Variants in CSNK1A1 observed in about 807,000 individuals in gnomAD.
CSNK1A1 encodes the protein casein kinase I isoform alpha.
In CSNK1A1, 7 loss-of-function variants were observed where a neutral mutation model predicts 46.1. That is an observed-to-expected ratio of 0.15 (90% CI 0.09 to 0.29). The LOEUF is 0.29. Among genes scored for constraint, CSNK1A1 ranks in the 10% least tolerant of loss-of-function variants. CSNK1A1 has a pLI of 1.00. For synonymous variants in CSNK1A1, 137 were observed against 141.5 expected (o/e 0.97, Z 0.23); for missense variants, 96 against 417.1 (o/e 0.23, Z 6.71).
intron 7 of CSNK1A1, among the ~76,000 whole-genome samples, chr5:149,509,669 G>C (rs1761153508): frequency 6.6e-6 from 1 of 152,068 alleles, no homozygotes; most frequent in South Asian, 2.1e-4. Flanking sequence ...CTTCTAAAGT[G>C]CTGGGATTGC....
intron 9 of CSNK1A1, 114 bp downstream of exon 9, chr5:149,505,333 C>T: frequency 6.9e-7 from 1 of 1,439,706 alleles, no homozygotes; most frequent in Non-Finnish European, 9.1e-7. Flanking sequence ...AACGCAGAGC[C>T]AAATTTTTAT....
intron 2 of CSNK1A1, among the ~76,000 whole-genome samples, chr5:149,530,965 C>CAAAA (rs59281087): frequency 1.1e-4 from 9 of 81,738 alleles, no homozygotes; most frequent in African/African-American, 4.5e-4. Flanking sequence ...GACTCTGTCT[C>CAAAA]AAAAAAAAAA....
intron 9 of CSNK1A1, chr5:149,498,272 G>A (rs2113038187): frequency 3.0e-6 from 3 of 985,090 alleles, no homozygotes; most frequent in South Asian, 9.4e-5. Context: ...GAGAGTAGGT[G>A]CATAATAGAT....
At chr5:149,505,147 G>C in intron 9 of CSNK1A1, 2 of 1,046,368 alleles carry the variant, frequency 1.9e-6, no homozygotes, top group Non-Finnish European at 2.3e-6. Flanking sequence ...TTGGAAAGGG[G>C]GTTAATGAAT....
At chr5:149,548,647 G>A (rs1227815155) in intron 2 of CSNK1A1, among the ~76,000 whole-genome samples, 1 of 152,178 alleles carries the variant, frequency 6.6e-6, no homozygotes, top group Non-Finnish European at 1.5e-5. Flanking sequence ...GATCACCTGA[G>A]GTCAGGAGTT....
At chr5:149,507,187 A>C in intron 7 of CSNK1A1, 54 bp from the exon 8 acceptor site, 1 of 1,355,122 alleles carries the variant, frequency 7.4e-7, no homozygotes, top group Non-Finnish European at 1.0e-6. Context: ...AAGATAGAAA[A>C]ATAAATGCAT....
chr5:149,522,049 TTTAAA>T (rs1761587606), intron 3 of CSNK1A1, among the ~76,000 whole-genome samples: 1 of 152,162 alleles, frequency 6.6e-6, no homozygotes, highest in Non-Finnish European at 1.5e-5. Flanking sequence ...TGTAAACAAA[TTTAAA>T]TTATTTTTTA....
At chr5:149,534,415 C>T (rs1301450393) in intron 2 of CSNK1A1, among the ~76,000 whole-genome samples, 6 of 132,752 alleles carry the variant, frequency 4.5e-5, no homozygotes, top group African/African-American at 1.4e-4. Flanking sequence ...ACCCGGGAGG[C>T]GGGGGTTGCA....
At chr5:149,531,625 A>C (rs777657198) in intron 2 of CSNK1A1, among the ~76,000 whole-genome samples, 3 of 151,628 alleles carry the variant, frequency 2.0e-5, no homozygotes, top group Non-Finnish European at 4.4e-5. Context: ...AGGTGGGTGG[A>C]TCGCTGGAGG....
At chr5:149,515,691 T>G (rs1456852085) in intron 4 of CSNK1A1, among the ~76,000 whole-genome samples, 1 of 152,178 alleles carries the variant, frequency 6.6e-6, no homozygotes, top group African/African-American at 2.4e-5. Flanking sequence ...ATCAAGCTTC[T>G]TTAGTAGCTC....
intron 2 of CSNK1A1, among the ~76,000 whole-genome samples, chr5:149,544,463 G>T (rs1283187500): frequency 6.6e-6 from 1 of 151,110 alleles, no homozygotes; most frequent in Non-Finnish European, 1.5e-5. Flanking sequence ...AGGAATGCAA[G>T]ACCAGTCTGG....
intron 2 of CSNK1A1, among the ~76,000 whole-genome samples, chr5:149,539,885 C>G (rs1318664091): frequency 1.3e-5 from 2 of 152,076 alleles, no homozygotes; most frequent in East Asian, 3.8e-4. Context: ...CACCAACTTA[C>G]AAGATTGGTG....
chr5:149,497,076 G>C, intron 9 of CSNK1A1: 1 of 1,352,924 alleles, frequency 7.4e-7, no homozygotes, highest in East Asian at 2.8e-5. Flanking sequence ...CTCTAGGAAG[G>C]AGTGGTACAG....
At chr5:149,512,055 AAC>A (rs1464470598) in intron 5 of CSNK1A1, among the ~76,000 whole-genome samples, 183 bp from the exon 6 acceptor site, 1 of 152,146 alleles carries the variant, frequency 6.6e-6, no homozygotes, top group Non-Finnish European at 1.5e-5. Context: ...CTCTAAACAA[AAC>A]TTTTTCCATG....
At chr5:149,538,985 C>G (rs1228166181) in intron 2 of CSNK1A1, among the ~76,000 whole-genome samples, 1 of 151,648 alleles carries the variant, frequency 6.6e-6, no homozygotes, top group East Asian at 1.9e-4. Flanking sequence ...AGTAGAATTT[C>G]ATTATTGTAC....
intron 4 of CSNK1A1, among the ~76,000 whole-genome samples, chr5:149,515,772 T>C (rs1761381835): frequency 6.6e-6 from 1 of 152,138 alleles, no homozygotes; most frequent in Non-Finnish European, 1.5e-5. Flanking sequence ...TGAAACCACA[T>C]GATGCCAAAG....
intron 5 of CSNK1A1, 24 bp from the exon 6 acceptor site, chr5:149,511,896 T>G: frequency 6.5e-7 from 1 of 1,539,614 alleles, no homozygotes; most frequent in Non-Finnish European, 8.9e-7. Context: ...CGTAATTTTA[T>G]AAACTGGAAC....
At chr5:149,498,718 T>C (rs1760732493) in intron 9 of CSNK1A1, 2 of 985,262 alleles carry the variant, frequency 2.0e-6, no homozygotes, top group Non-Finnish European at 2.4e-6. Context: ...GGTTTTATCA[T>C]AGTTTTCTTA....
Position 149,550,971 on chromosome 5 carries a change from A to G in CSNK1A1, c.-7T>C. ...AGCCGCTGCTACTCGCCATCCTGAG[A>G]GACGAAGATGGAGGCTGGGGCCAAG... On this transcript the variant is annotated 5_prime_UTR_variant, in exon 1 of 10. Coordinates refer to ENST00000377843, the MANE Select transcript of CSNK1A1 (RefSeq NM_001892.6). The surrounding 1 kb of genome is among the most constrained non-coding windows in gnomAD (Gnocchi z 4.3). 6.2e-7 allele frequency: 1 copy of G among 1,613,880 alleles called. No individual in the cohort carries two copies. The highest frequency in any genetic ancestry group is 8.5e-7 in the Non-Finnish European group (1 of 1,179,938).
Sources: allele counts gnomAD v4.1 joint callset (sites outside exome capture counted in the v4.1 genomes callset), GRCh38; gene constraint gnomAD v4.1.1; non-coding constraint Gnocchi (gnomAD v3.1); transcripts MANE v1.5; gene names NCBI Gene and HGNC (gene_info 2026-07-23, HGNC 2026-07-21).